Variants in SNCAIP observed in about 807,000 individuals in gnomAD.
The protein encoded by SNCAIP is synuclein alpha interacting protein, also known as synphilin-1.
Under a neutral mutation model 86.7 loss-of-function variants are expected in SNCAIP, and 43 were observed. The observed-to-expected ratio is 0.50, with a 90% CI of 0.39 to 0.64. The LOEUF (loss-of-function observed/expected upper bound fraction) is 0.64. Ranked by LOEUF, SNCAIP falls within the 30% of genes least tolerant of loss-of-function variation. SNCAIP has a pLI of 0.00. For missense variants in SNCAIP, 981 were observed against 1,103.1 expected (o/e 0.89, Z 1.57); for synonymous variants, 417 against 427.2 (o/e 0.98, Z 0.29).
intron 1 of SNCAIP, among the ~76,000 whole-genome samples, chr5:122,374,554 C>T (rs577709513): frequency 2.7e-4 from 41 of 152,212 alleles, no homozygotes; most frequent in African/African-American, 9.4e-4. Context: ...GTTTTCATAG[C>T]GCTCATCAAC....
intron 3 of SNCAIP, among the ~76,000 whole-genome samples, chr5:122,416,782 C>T (rs1302368398): frequency 6.6e-6 from 1 of 152,198 alleles, no homozygotes; most frequent in Admixed American, 6.5e-5. Flanking sequence ...AGCATTAATA[C>T]TCCCAATCAT....
At chr5:122,393,838 C>A (rs773846676) in intron 2 of SNCAIP, among the ~76,000 whole-genome samples, 2 of 152,174 alleles carry the variant, frequency 1.3e-5, no homozygotes, top group Non-Finnish European at 2.9e-5. Context: ...AGACTTCATA[C>A]CTTAGCGAAG....
rs1787068339 is a variant in SNCAIP at position 122,463,916 on chromosome 5, A to C, written c.*420A>C. 1 of 171,274 alleles carries C rather than the reference A, an allele frequency of 5.8e-6. No homozygotes were observed. The highest frequency in any genetic ancestry group is 2.4e-5 in the African/African-American group (1 of 42,072). The allele number at this position is 171,274 out of a possible 1,614,324, so 10.6% of individuals were successfully genotyped here. ...CATGAGTATTTGCTAATGTTGATTGAACCTCCCTTTCCCCATAATGTGGGC... is the reference window on the plus strand; with the variant it reads ...CATGAGTATTTGCTAATGTTGATTGCACCTCCCTTTCCCCATAATGTGGGC... On this transcript the variant is annotated 3_prime_UTR_variant, in exon 11 of 11. Transcript: ENST00000261368.
chr5:122,449,932 A>C lies in SNCAIP; in HGVS notation c.1680A>C (p.Ser560=), dbSNP rs1318668671. 1 of 1,606,910 alleles carries C rather than the reference A, an allele frequency of 6.2e-7. No individual in the cohort carries two copies. The highest frequency in any genetic ancestry group is 8.5e-7 in the Non-Finnish European group (1 of 1,173,470). The change falls in exon 9 of 11, where the codon TCA becomes TCC. Residue 560 remains serine (S), a synonymous_variant. Transcript: ENST00000261368. ...QKSEGKSLPS[S]PSSPSSPASR... ...CAGAGGGCAAGTCACTCCCTTCTTC[A>C]CCCAGGTAATACCAGCACATTGTTG...
chr5:122,449,957 G>T lies in SNCAIP; in HGVS notation c.1685+20G>T. 2 of 1,519,430 alleles carry T rather than the reference G, an allele frequency of 1.3e-6. No homozygotes were observed. The highest frequency in any genetic ancestry group is 1.7e-4 in the Middle Eastern group (1 of 5,880). The allele number at this position is 1,519,430 out of a possible 1,614,324, so 94.1% of individuals were successfully genotyped here. ...ACCCAGGTAATACCAGCACATTGTT[G>T]TTTAGCATTCTTAAGTATCCTAAAT... On this transcript the variant is annotated intron_variant, in intron 9 of 10. Transcript: ENST00000261368.
chr5:122,441,113 TCTTCCCCTAACTA>T (rs1233819108), intron 7 of SNCAIP: 2 of 246,336 alleles, frequency 8.1e-6, no homozygotes, highest in Admixed American at 5.0e-5. Flanking sequence ...GGCAGGCTGC[TCTTCCCCTAACTA>T]GTAAATTTCA....
chr5:122,385,667 G>A (rs566523202), intron 1 of SNCAIP, among the ~76,000 whole-genome samples: 32 of 150,154 alleles, frequency 2.1e-4, no homozygotes, highest in East Asian at 5.9e-4. Context: ...ATGCGTGTGC[G>A]CACGTATGTG....
chr5:122,352,162 T>TC (rs1759995441), intron 1 of SNCAIP, among the ~76,000 whole-genome samples: 1 of 152,158 alleles, frequency 6.6e-6, no homozygotes, highest in Non-Finnish European at 1.5e-5. Flanking sequence ...ACCCAGACAC[T>TC]CCCGGAAAAA....
intron 10 of SNCAIP, among the ~76,000 whole-genome samples, chr5:122,455,633 G>T (rs1025566013): frequency 2.3e-4 from 35 of 152,104 alleles, no homozygotes; most frequent in African/African-American, 7.7e-4. Context: ...CCGGTTCCAG[G>T]AATACATTGG....
Position 122,423,400 on chromosome 5 carries a change from A to G in SNCAIP, c.663A>G (p.Ala221=). The change falls in exon 4 of 11, where the codon GCA becomes GCG. Residue 221 remains alanine, a synonymous_variant. Transcript: ENST00000261368. Reference sequence around the variant, plus strand: ...TGAAAAGCCCTCACTTGAGAAAAGCATCAGCTGTCATCCACGACCAGCACA... The same window carrying G: ...TGAAAAGCCCTCACTTGAGAAAAGCGTCAGCTGTCATCCACGACCAGCACA... The part of the protein sequence containing the change: ...SPVKSPHLRK[A]SAVIHDQHKL... The G allele has an allele frequency of 6.2e-7, 1 of 1,613,748 alleles. No individual in the cohort carries two copies. Among genetic ancestry groups the G allele is most frequent in the East Asian group, 2.2e-5 (1 of 44,878 alleles).
chr5:122,401,960 C>T (rs1015336354), intron 2 of SNCAIP, among the ~76,000 whole-genome samples: 5 of 152,168 alleles, frequency 3.3e-5, no homozygotes, highest in Non-Finnish European at 7.3e-5. Flanking sequence ...ATACAGATAG[C>T]AGCTCACCCA....
At chr5:122,404,095 A>G (rs1772447621) in intron 3 of SNCAIP, among the ~76,000 whole-genome samples, 1 of 152,224 alleles carries the variant, frequency 6.6e-6, no homozygotes, top group Non-Finnish European at 1.5e-5. Flanking sequence ...AGCTGTATAC[A>G]GATAAATAAA....
At chr5:122,351,162 C>CT (rs947524769) in intron 1 of SNCAIP, among the ~76,000 whole-genome samples, 1 of 152,102 alleles carries the variant, frequency 6.6e-6, no homozygotes, top group African/African-American at 2.4e-5. Flanking sequence ...CTAAATTCTG[C>CT]TTTGTGATAT....
At chr5:122,375,110 TCAGA>T (rs1249071948) in intron 1 of SNCAIP, among the ~76,000 whole-genome samples, 1 of 152,166 alleles carries the variant, frequency 6.6e-6, no homozygotes, top group East Asian at 1.9e-4. Context: ...ATTTGGTTGT[TCAGA>T]CATTTAACTC....
intron 1 of SNCAIP, among the ~76,000 whole-genome samples, chr5:122,317,976 G>T (rs1032837627): frequency 1.6e-4 from 24 of 151,852 alleles, no homozygotes; most frequent in African/African-American, 5.8e-4. Flanking sequence ...ACCGCTGCCT[G>T]CTTGCTCTTT....
chr5:122,342,351 T>A (rs1757765115), intron 1 of SNCAIP, among the ~76,000 whole-genome samples: 1 of 151,930 alleles, frequency 6.6e-6, no homozygotes, highest in Non-Finnish European at 1.5e-5. Context: ...GCACGGGTCC[T>A]CAGGGAATGT....
rs544256378 is a variant in SNCAIP, at chr5:122,451,244, C to T, written c.2397C>T (p.Leu799=). ...QKVATSPKSA[L]KSPSSKRRTS... ...TTGCCACAAGTCCCAAGAGTGCCCT[C>T]AAGTCTCCATCTTCCAAGCGTAGGA... Residue 799 remains leucine (L), a synonymous_variant, in exon 10 of 11, where the codon CTC becomes CTT. Transcript: ENST00000261368. The T allele has an allele frequency of 1.6e-5, 26 of 1,614,180 alleles. No homozygotes were observed. The African/African-American group carries it at 2.3e-4, about 14-fold the overall frequency.
chr5:122,315,029 A>G (rs749574347), intron 1 of SNCAIP, among the ~76,000 whole-genome samples: 5 of 152,256 alleles, frequency 3.3e-5, no homozygotes, highest in Non-Finnish European at 5.9e-5. Context: ...AGGAATTCTG[A>G]GGAGAGAGTG....
At position 122,452,975 on chromosome 5, in the gene SNCAIP, G is replaced by A. The variant is rs1355784661; in HGVS notation, c.2754+1374G>A. ...TTTCCTCTAACATGCTGATTGAAGA[G>A]CATCTGTGTAACGACACACGGTACG... On this transcript the variant is annotated intron_variant, in intron 10 of 10. Transcript: ENST00000261368. 3 of 1,547,970 alleles carry A rather than the reference G, an allele frequency of 1.9e-6. No individual in the cohort carries two copies. In the Admixed American group the frequency reaches 5.9e-5, roughly 30 times the overall value.
Sources: gnomAD v4.1 joint callset for allele counts (sites outside exome capture counted in the v4.1 genomes callset) on GRCh38, gnomAD v4.1.1 for gene constraint, MANE v1.5 for transcripts, NCBI Gene and HGNC (gene_info 2026-07-23, HGNC 2026-07-21) for gene names.